Variants in PPP3R1 observed in about 807,000 individuals in gnomAD.
The protein encoded by PPP3R1 is protein phosphatase 3 regulatory subunit B, alpha.
A neutral mutation model predicts 22.6 loss-of-function variants in PPP3R1; 5 were observed. The observed-to-expected ratio is 0.22, with a 90% CI of 0.12 to 0.46. The LOEUF is 0.46. PPP3R1 is among the 20% of genes least tolerant of loss of function. PPP3R1 has a pLI of 0.99. For missense variants in PPP3R1, 61 were observed against 203.2 expected (o/e 0.30, Z 4.25); for synonymous variants, 56 against 65.2 (o/e 0.86, Z 0.68).
At chr2:68,201,878 A>C (rs1363254147) in intron 2 of PPP3R1, among the ~76,000 whole-genome samples, 1 of 152,204 alleles carries the variant, frequency 6.6e-6, no homozygotes, top group Non-Finnish European at 1.5e-5. Flanking sequence ...TTAGGTAACA[A>C]CTTCTATGTC....
At chr2:68,232,795 T>C (rs557143385) in intron 1 of PPP3R1, among the ~76,000 whole-genome samples, 7 of 152,036 alleles carry the variant, frequency 4.6e-5, no homozygotes, top group Non-Finnish European at 8.8e-5. Context: ...TCAATAGAGA[T>C]GAGGTTTTGC....
At chr2:68,232,124 T>A (rs60534642) in intron 1 of PPP3R1, among the ~76,000 whole-genome samples, 1 of 97,996 alleles carries the variant, frequency 1.0e-5, no homozygotes. Flanking sequence ...TATATATATA[T>A]ACACACACAC....
rs1038026707 is a variant in PPP3R1, at chr2:68,244,551, TTC to T, written c.3+7572_3+7573del. On this transcript the variant is annotated intron_variant, in intron 1 of 5. Transcript: ENST00000234310. ...GCCTATTTCTCTTCACTCTGATTTT[TTC>T]TCTCTCTTTTAATGTCTATCCTTTC... 3.9e-5 allele frequency among the ~76,000 whole-genome samples: 6 copies of T among 152,180 alleles called. No individual in the cohort carries two copies. In the South Asian group the frequency reaches 8.3e-4, roughly 21 times the overall value.
chr2:68,182,347 A>G (rs1177784881), intron 5 of PPP3R1, among the ~76,000 whole-genome samples: 2 of 151,942 alleles, frequency 1.3e-5, no homozygotes, highest in African/African-American at 2.4e-5. Context: ...CTCATTCTCT[A>G]TTTGCTTTTA....
chr2:68,186,214 G>A (rs912194017), intron 5 of PPP3R1, among the ~76,000 whole-genome samples: 3 of 152,180 alleles, frequency 2.0e-5, no homozygotes, highest in Non-Finnish European at 4.4e-5. Context: ...CAGAAGCAAT[G>A]AGTGATTAAA....
intron 5 of PPP3R1, among the ~76,000 whole-genome samples, chr2:68,183,455 T>C (rs11676702): frequency 0.067 from 10,154 of 152,296 alleles, 413 homozygotes; most frequent in Middle Eastern, 0.21. Flanking sequence ...CAGACTATGC[T>C]AGATGCTCCA....
chr2:68,201,959 C>A (rs549554927), intron 2 of PPP3R1, among the ~76,000 whole-genome samples: 2 of 152,232 alleles, frequency 1.3e-5, no homozygotes, highest in South Asian at 4.2e-4. Flanking sequence ...CATAGATGTT[C>A]TTTCATCTAA....
chr2:68,232,558 T>C (rs897343844), intron 1 of PPP3R1, among the ~76,000 whole-genome samples: 2 of 152,056 alleles, frequency 1.3e-5, no homozygotes, highest in Non-Finnish European at 2.9e-5. Flanking sequence ...CAGTAGACTA[T>C]GGATCTACTC....
Position 68,252,454 on chromosome 2 carries a change from G to A in PPP3R1, c.-327C>T, listed in dbSNP as rs1047288395. 5.1e-5 allele frequency: 50 copies of A among 990,070 alleles called. No homozygotes were observed. In the African/African-American group the frequency reaches 6.8e-4, roughly 13 times the overall value. The allele number at this position is 990,070 out of a possible 1,614,324, so 61.3% of individuals were successfully genotyped here. ...GGGCGAAGACGGCCGGGAAACTCGGGGGCTGCAGCCTCGCGCTCGCGCCGG... is the reference window on the plus strand; with the variant it reads ...GGGCGAAGACGGCCGGGAAACTCGGAGGCTGCAGCCTCGCGCTCGCGCCGG... On this transcript the variant is annotated 5_prime_UTR_variant, in exon 1 of 6. Coordinates refer to ENST00000234310, the MANE Select transcript of PPP3R1 (RefSeq NM_000945.4).
chr2:68,241,296 A>C (rs1409124688), intron 1 of PPP3R1, among the ~76,000 whole-genome samples: 1 of 152,086 alleles, frequency 6.6e-6, no homozygotes. Context: ...TATTTGTATT[A>C]TTTTTCATTG....
chr2:68,251,746 G>A (rs1456608102), intron 1 of PPP3R1, among the ~76,000 whole-genome samples: 7 of 152,154 alleles, frequency 4.6e-5, no homozygotes, highest in African/African-American at 1.2e-4. Flanking sequence ...TGAGTGTGGA[G>A]GGGAGGGGGG....
chr2:68,197,016 C>A (rs899944807), intron 2 of PPP3R1, among the ~76,000 whole-genome samples: 2 of 152,180 alleles, frequency 1.3e-5, no homozygotes, highest in Non-Finnish European at 2.9e-5. Flanking sequence ...TGAGGCACAA[C>A]GCCTGGCCTA....
chr2:68,184,427 T>G (rs1452265208), intron 5 of PPP3R1, among the ~76,000 whole-genome samples: 1 of 152,240 alleles, frequency 6.6e-6, no homozygotes, highest in African/African-American at 2.4e-5. Context: ...CTCTTCATTT[T>G]TGTCCTTGTG....
intron 2 of PPP3R1, among the ~76,000 whole-genome samples, chr2:68,194,294 T>C (rs920287214): frequency 1.3e-5 from 2 of 152,104 alleles, no homozygotes; most frequent in Admixed American, 6.5e-5. Context: ...CCTCGATCAA[T>C]TGCACTCTGA....
chr2:68,178,997 A>AG lies in PPP3R1; in HGVS notation c.*1965_*1966insC, dbSNP rs1224822882. On this transcript the variant is annotated 3_prime_UTR_variant, in exon 6 of 6. Coordinates refer to ENST00000234310, the MANE Select transcript of PPP3R1 (RefSeq NM_000945.4). ...CTTACCCACCCCCACACACAAACTA[A>AG]AAAAAAAAAAAAAAAAAAAGAAAAA... 2.3e-5 allele frequency: 2 copies of AG among 88,368 alleles called. No individual in the cohort carries two copies. Among genetic ancestry groups the AG allele is most frequent in the African/African-American group, 5.0e-5 (1 of 20,026 alleles). The allele number at this position is 88,368 out of a possible 1,614,324, so 5.5% of individuals were successfully genotyped here. A position where few individuals can be genotyped will look rare whatever the true frequency, so the allele number is the denominator to read the frequency against.
At chr2:68,195,128 C>T (rs1158645770) in intron 2 of PPP3R1, among the ~76,000 whole-genome samples, 2 of 152,136 alleles carry the variant, frequency 1.3e-5, no homozygotes, top group Non-Finnish European at 2.9e-5. Context: ...GAGATGTTAA[C>T]ATCCCCACTT....
At chr2:68,197,913 T>C (rs1185744982) in intron 2 of PPP3R1, among the ~76,000 whole-genome samples, 2 of 151,708 alleles carry the variant, frequency 1.3e-5, no homozygotes, top group South Asian at 2.1e-4. Context: ...TGTTTTCTTC[T>C]AGATGTTCCA....
chr2:68,229,971 CAT>C (rs1336717339), intron 1 of PPP3R1, among the ~76,000 whole-genome samples: 1,099 of 70,528 alleles, frequency 0.016, 10 homozygotes, highest in African/African-American at 0.063. Context: ...TATATACACA[CAT>C]ACACACACAC....
chr2:68,244,109 T>C (rs1670186555), intron 1 of PPP3R1, among the ~76,000 whole-genome samples: 2 of 152,226 alleles, frequency 1.3e-5, no homozygotes, highest in Admixed American at 6.5e-5. Context: ...ATCTAAAACA[T>C]GTTTCCCCTT....
Sources: allele counts gnomAD v4.1 joint callset (sites outside exome capture counted in the v4.1 genomes callset), GRCh38; gene constraint gnomAD v4.1.1; transcripts MANE v1.5; gene names NCBI Gene and HGNC (gene_info 2026-07-23, HGNC 2026-07-21).